Variants in PLCG2 observed in about 807,000 individuals in gnomAD.
PLCG2 encodes the protein phospholipase C gamma 2.
In PLCG2, 69 loss-of-function variants were observed where a neutral mutation model predicts 175.6. The ratio of observed to expected loss-of-function variants is 0.39; its 90% confidence interval spans 0.32 to 0.48. PLCG2 has a LOEUF of 0.48. Ranked by LOEUF, PLCG2 falls within the 20% of genes least tolerant of loss-of-function variation. The pLI is 0.91. For synonymous variants in PLCG2, 827 were observed against 624.0 expected, an observed-to-expected ratio of 1.33 and a Z score of -4.85; for missense variants, 1,798 against 1,650.9, an observed-to-expected ratio of 1.09 and a Z score of -1.54.
chr16:81,957,243 G>C (rs962076296), intron 32 of PLCG2, among the ~76,000 whole-genome samples: 1 of 150,628 alleles, frequency 6.6e-6, no homozygotes, highest in Non-Finnish European at 1.5e-5. Context: ...AGGTTGCAGT[G>C]AGCCGAGATC....
intron 15 of PLCG2, among the ~76,000 whole-genome samples, 155 bp downstream of exon 15, chr16:81,905,662 A>G (rs1909337370): frequency 6.6e-6 from 1 of 151,914 alleles, no homozygotes; most frequent in African/African-American, 2.4e-5. Flanking sequence ...CTTAAACTTT[A>G]TTTATTTATG....
intron 2 of PLCG2, among the ~76,000 whole-genome samples, chr16:81,794,671 C>T (rs896514694): frequency 7.2e-5 from 11 of 152,254 alleles, no homozygotes; most frequent in Admixed American, 1.3e-4. Flanking sequence ...AAGTAAATGA[C>T]GTGATATATG....
At chr16:81,763,634 T>C (rs1186364661) in intron 2 of PLCG2, among the ~76,000 whole-genome samples, 2 of 152,210 alleles carry the variant, frequency 1.3e-5, no homozygotes, top group African/African-American at 4.8e-5. Flanking sequence ...CTGTCACACA[T>C]TGTCCCTTTT....
chr16:81,864,801 C>A (rs192993950), intron 5 of PLCG2, among the ~76,000 whole-genome samples: 2 of 152,050 alleles, frequency 1.3e-5, no homozygotes, highest in African/African-American at 2.4e-5. Flanking sequence ...TGCCTGGGTG[C>A]GGGAGTTGAA....
intron 2 of PLCG2, among the ~76,000 whole-genome samples, chr16:81,843,330 C>G (rs1050079388): frequency 6.6e-6 from 1 of 152,184 alleles, no homozygotes; most frequent in Non-Finnish European, 1.5e-5. Context: ...CTTTCTCACA[C>G]CTTTACACTC....
At chr16:81,853,408 T>G (rs1006686541) in intron 2 of PLCG2, among the ~76,000 whole-genome samples, 1 of 151,970 alleles carries the variant, frequency 6.6e-6, no homozygotes. Context: ...AGCGTGCCAG[T>G]GCTCCTAACC....
At chr16:81,941,284 G>C (rs1313479857) in intron 30 of PLCG2, among the ~76,000 whole-genome samples, 1 of 152,176 alleles carries the variant, frequency 6.6e-6, no homozygotes, top group Non-Finnish European at 1.5e-5. Context: ...CATAATCCCA[G>C]CTACTTGGAA....
At chr16:81,786,741 C>T (rs1910989839) in intron 2 of PLCG2, among the ~76,000 whole-genome samples, 1 of 152,308 alleles carries the variant, frequency 6.6e-6, no homozygotes, top group Middle Eastern at 3.4e-3. Context: ...GGTTCAGATC[C>T]TAAAGTTTCT....
chr16:81,913,219 G>T (rs1013371155), intron 19 of PLCG2, among the ~76,000 whole-genome samples: 1 of 152,166 alleles, frequency 6.6e-6, no homozygotes, highest in African/African-American at 2.4e-5. Flanking sequence ...ATGACAAGGA[G>T]CCGAGGAGTG....
chr16:81,755,959 G>A lies in PLCG2; in HGVS notation c.-55G>A, dbSNP rs140262318. On this transcript the variant is annotated 5_prime_UTR_variant, in exon 2 of 6. Transcript: ENST00000565054. ...TCTGGAAGACGGTCCTTTCCCTGCT[G>A]CCCCCAGGTAAGCACATGGCCTCCA... 946 of 152,636 alleles carry A rather than the reference G, an allele frequency of 6.2e-3. 5 individuals carry two copies. The highest frequency in any genetic ancestry group is 9.2e-3 in the Middle Eastern group (3 of 326). 9.5% of individuals were successfully genotyped at this position (152,636 alleles called of 1,614,324 possible). A position where few individuals can be genotyped will look rare whatever the true frequency, so the allele number is the denominator to read the frequency against.
At chr16:81,942,645 C>G (rs1440387452) in intron 30 of PLCG2, among the ~76,000 whole-genome samples, 1 of 152,102 alleles carries the variant, frequency 6.6e-6, no homozygotes, top group Admixed American at 6.6e-5. Flanking sequence ...TCACAGTAAT[C>G]CTGTGAAAGG....
chr16:81,822,387 T>G (rs1000295459), intron 2 of PLCG2, among the ~76,000 whole-genome samples: 1 of 151,974 alleles, frequency 6.6e-6, no homozygotes, highest in Admixed American at 6.6e-5. Flanking sequence ...GCAGATGAAA[T>G]TAAGTGAAGA....
At chr16:81,840,269 C>T (rs1905749947) in intron 2 of PLCG2, among the ~76,000 whole-genome samples, 2 of 152,138 alleles carry the variant, frequency 1.3e-5, no homozygotes, top group South Asian at 2.1e-4. Flanking sequence ...CCTGTCATGG[C>T]CTGGGTGGAT....
chr16:81,938,714 T>A, intron 28 of PLCG2, 87 bp from the exon 29 acceptor site: 2 of 732,056 alleles, frequency 2.7e-6, no homozygotes, highest in Non-Finnish European at 4.7e-6. Context: ...ACTCATCCAG[T>A]GTCACTCTAG....
At chr16:81,764,110 T>A (rs1910095183) in intron 2 of PLCG2, among the ~76,000 whole-genome samples, 2 of 151,804 alleles carry the variant, frequency 1.3e-5, no homozygotes, top group South Asian at 4.2e-4. Flanking sequence ...CTGGGTAACA[T>A]GGTGAGACCC....
At chr16:81,756,627 G>A (rs1909935197) in intron 2 of PLCG2, among the ~76,000 whole-genome samples, 1 of 152,200 alleles carries the variant, frequency 6.6e-6, no homozygotes, top group Non-Finnish European at 1.5e-5. Context: ...AGCTAAGTGA[G>A]AGGTACCAGG....
intron 30 of PLCG2, among the ~76,000 whole-genome samples, chr16:81,945,139 T>C (rs1048762739): frequency 6.6e-6 from 1 of 152,204 alleles, no homozygotes; most frequent in Admixed American, 6.5e-5. Flanking sequence ...TTCCTCTTCA[T>C]AAGCAGCGGA....
chr16:81,826,835 C>T (rs966771783), intron 2 of PLCG2, among the ~76,000 whole-genome samples: 1 of 152,184 alleles, frequency 6.6e-6, no homozygotes, highest in Non-Finnish European at 1.5e-5. Context: ...CTCAAGGCTG[C>T]CGGAGACAAT....
intron 2 of PLCG2, among the ~76,000 whole-genome samples, chr16:81,758,731 G>A (rs1909980024): frequency 6.6e-6 from 1 of 150,526 alleles, no homozygotes; most frequent in South Asian, 2.1e-4. Flanking sequence ...AGGCTAGAGT[G>A]CAGTGGCACA....
Sources: allele counts gnomAD v4.1 joint callset (sites outside exome capture counted in the v4.1 genomes callset), GRCh38; gene constraint gnomAD v4.1.1; transcripts MANE v1.5; gene names NCBI Gene and HGNC (gene_info 2026-07-23, HGNC 2026-07-21).